WFDC11: variants seen among roughly 807,000 people sequenced by gnomAD.
The protein encoded by WFDC11 is WAP four-disulfide core domain 11.
Under a neutral mutation model 9.9 loss-of-function variants are expected in WFDC11, and 9 were observed. The observed-to-expected ratio is 0.91, with a 90% CI of 0.55 to 1.58. WFDC11 has a LOEUF of 1.58. WFDC11 is among the 40% of genes most tolerant of loss of function. WFDC11 has a pLI of 0.00. For missense variants in WFDC11, 106 were observed against 101.7 expected (o/e 1.04, Z -0.18); for synonymous variants, 32 against 33.3 (o/e 0.96, Z 0.13).
At chr20:45,656,220 T>C (rs940318487) in intron 2 of WFDC11, among the ~76,000 whole-genome samples, 11 of 143,416 alleles carry the variant, frequency 7.7e-5, no homozygotes, top group Admixed American at 2.1e-4. Context: ...AGCATAGTAC[T>C]GGTAAAAAAA....
chr20:45,652,625 C>A (rs1335864036), intron 2 of WFDC11, among the ~76,000 whole-genome samples: 1 of 151,892 alleles, frequency 6.6e-6, no homozygotes, highest in Non-Finnish European at 1.5e-5. Context: ...GACGATCAAA[C>A]TACTCTGAGC....
At chr20:45,655,637 C>T (rs921354643) in intron 2 of WFDC11, among the ~76,000 whole-genome samples, 2 of 152,206 alleles carry the variant, frequency 1.3e-5, no homozygotes, top group African/African-American at 4.8e-5. Context: ...AAGAGGAAGT[C>T]AAATTGTCCC....
At chr20:45,661,363 A>G (rs989383795) in intron 2 of WFDC11, among the ~76,000 whole-genome samples, 2 of 151,572 alleles carry the variant, frequency 1.3e-5, no homozygotes, top group African/African-American at 4.8e-5. Context: ...CCCATTTTGT[A>G]GGTTGCCTGT....
intron 2 of WFDC11, among the ~76,000 whole-genome samples, chr20:45,651,014 A>G (rs1982794106): frequency 6.6e-6 from 1 of 152,208 alleles, no homozygotes; most frequent in African/African-American, 2.4e-5. Context: ...TTCATCACCC[A>G]GGTATTAAGC....
intron 2 of WFDC11, among the ~76,000 whole-genome samples, chr20:45,662,223 T>C (rs1983085781): frequency 6.6e-6 from 1 of 152,200 alleles, no homozygotes; most frequent in African/African-American, 2.4e-5. Context: ...TCTGTTTGTC[T>C]GTTATTGGTG....
chr20:45,659,178 T>C (rs1337600316), intron 2 of WFDC11, among the ~76,000 whole-genome samples: 1 of 152,246 alleles, frequency 6.6e-6, no homozygotes, highest in African/African-American at 2.4e-5. Context: ...AACATACATG[T>C]GCATGTGTCT....
At chr20:45,662,645 G>T (rs953866026) in intron 2 of WFDC11, among the ~76,000 whole-genome samples, 13 of 152,242 alleles carry the variant, frequency 8.5e-5, no homozygotes, top group Admixed American at 8.5e-4. Flanking sequence ...TTGAATTTTT[G>T]TCAAAGGCCT....
At chr20:45,653,144 A>G (rs2145616619) in intron 2 of WFDC11, among the ~76,000 whole-genome samples, 1 of 152,328 alleles carries the variant, frequency 6.6e-6, no homozygotes, top group African/African-American at 2.4e-5. Flanking sequence ...ACCAAAGTTG[A>G]AATCAAGGAA....
intron 3 of WFDC11, among the ~76,000 whole-genome samples, chr20:45,650,287 G>C (rs1982777133): frequency 6.6e-6 from 1 of 151,972 alleles, no homozygotes; most frequent in Non-Finnish European, 1.5e-5. Flanking sequence ...GAGATAGACA[G>C]ATATTGCTAT....
intron 2 of WFDC11, among the ~76,000 whole-genome samples, chr20:45,653,410 C>T (rs1310242207): frequency 2.0e-5 from 3 of 152,052 alleles, no homozygotes; most frequent in Non-Finnish European, 4.4e-5. Context: ...GCCTGCCCTA[C>T]AAGAAGAGCT....
chr20:45,655,159 T>C (rs1982898653), intron 2 of WFDC11, among the ~76,000 whole-genome samples: 2 of 152,198 alleles, frequency 1.3e-5, no homozygotes, highest in Admixed American at 6.5e-5. Flanking sequence ...ATATCCCTGA[T>C]GAACATTGGT....
At chr20:45,661,750 G>A (rs1426327342) in intron 2 of WFDC11, among the ~76,000 whole-genome samples, 1 of 152,050 alleles carries the variant, frequency 6.6e-6, no homozygotes, top group African/African-American at 2.4e-5. Flanking sequence ...TTATTACTGA[G>A]GGCTCTGTTC....
intron 2 of WFDC11, among the ~76,000 whole-genome samples, chr20:45,665,106 G>A (rs966663208): frequency 6.6e-6 from 1 of 152,054 alleles, no homozygotes. Flanking sequence ...TGGAGGCTTT[G>A]TTCATTTCTT....
intron 2 of WFDC11, among the ~76,000 whole-genome samples, chr20:45,660,768 AG>A (rs1330897907): frequency 6.6e-6 from 1 of 152,170 alleles, no homozygotes; most frequent in Non-Finnish European, 1.5e-5. Context: ...ATGGCTGCAT[AG>A]TATTCCATGG....
chr20:45,662,938 A>C (rs1255299666), intron 2 of WFDC11, among the ~76,000 whole-genome samples: 1 of 152,236 alleles, frequency 6.6e-6, no homozygotes, highest in Non-Finnish European at 1.5e-5. Flanking sequence ...GCCTCATAAA[A>C]TGAGTTAGGG....
chr20:45,650,455 A>G (rs2145614903), intron 3 of WFDC11, 46 bp downstream of exon 3: 1 of 1,514,034 alleles, frequency 6.6e-7, no homozygotes, highest in East Asian at 2.3e-5. Context: ...GTTCAGAAAC[A>G]AGCTCATCCC....
intron 2 of WFDC11, among the ~76,000 whole-genome samples, chr20:45,654,483 A>T (rs1300360796): frequency 2.0e-5 from 3 of 152,232 alleles, no homozygotes; most frequent in Non-Finnish European, 4.4e-5. Context: ...AGAGCAGGAA[A>T]GATCTAAAAC....
chr20:45,664,769 T>C (rs545513335), intron 2 of WFDC11, among the ~76,000 whole-genome samples: 1 of 152,336 alleles, frequency 6.6e-6, no homozygotes, highest in African/African-American at 2.4e-5. Flanking sequence ...GCTTGCAGGG[T>C]TTCTGCCTAG....
intron 2 of WFDC11, among the ~76,000 whole-genome samples, chr20:45,656,861 T>C (rs914150018): frequency 1.4e-4 from 21 of 152,138 alleles, no homozygotes; most frequent in Non-Finnish European, 3.1e-4. Flanking sequence ...ATCAGAGAAA[T>C]GCAAGTCAAA....
Sources: gnomAD v4.1 joint callset for allele counts (sites outside exome capture counted in the v4.1 genomes callset) on GRCh38, gnomAD v4.1.1 for gene constraint, MANE v1.5 for transcripts, NCBI Gene and HGNC (gene_info 2026-07-23, HGNC 2026-07-21) for gene names.